The following SGCZ variants were observed in gnomAD, a reference collection of about 807,000 sequenced individuals.
SGCZ encodes zeta-sarcoglycan.
SGCZ carries 40 observed loss-of-function variants against 41.3 expected under a neutral mutation model. The observed-to-expected ratio is 0.97, with a 90% CI of 0.75 to 1.26. SGCZ has a LOEUF of 1.26. Ranked by LOEUF, SGCZ falls within the 50% of genes most tolerant of loss-of-function variation. SGCZ has a pLI of 0.00. For synonymous variants in SGCZ, 206 were observed against 137.5 expected (o/e 1.50, Z -3.49); for missense variants, 552 against 369.8 (o/e 1.49, Z -4.04).
rs1413540606 is a variant in SGCZ, at chr8:14,125,516, AAG to A, written c.548-17283_548-17282del. 1.1e-3 allele frequency among the ~76,000 whole-genome samples: 113 copies of A among 101,718 alleles called. No homozygotes were observed. The East Asian group carries it at 0.051, about 46-fold the overall frequency. 66.7% of individuals were successfully genotyped at this position (101,718 alleles called of 152,430 possible). A position where few individuals can be genotyped will look rare whatever the true frequency, so the allele number is the denominator to read the frequency against. ...AAGATTCCGTCTCAAAAAAAAAAAA[AAG>A]AAGAAGAATCACTATTGTGAAAATG... On this transcript the variant is annotated intron_variant, in intron 5 of 7. Coordinates refer to ENST00000382080, the MANE Select transcript of SGCZ (RefSeq NM_139167.4).
Position 14,861,058 on chromosome 8 carries a change from C to T in SGCZ, c.40-306132G>A, listed in dbSNP as rs886856974. 4.6e-5 allele frequency among the ~76,000 whole-genome samples: 7 copies of T among 152,084 alleles called. No homozygotes were observed. The South Asian group carries it at 6.2e-4, about 13-fold the overall frequency. On this transcript the variant is annotated intron_variant, in intron 1 of 7. Transcript: ENST00000382080. ...GCAGCACAGAATTGCAGTGAGCTCA[C>T]GATGCTTGAGAGTTGAGAAACACTT... is the stretch of plus-strand genomic sequence containing the variant.
At chr8:14,452,906 C>A (rs1027845949) in intron 2 of SGCZ, among the ~76,000 whole-genome samples, 1 of 151,966 alleles carries the variant, frequency 6.6e-6, no homozygotes, top group Non-Finnish European at 1.5e-5. Flanking sequence ...AGTTTGAGAC[C>A]AGCTTCGTCA....
chr8:14,283,672 G>C (rs1281706371), intron 3 of SGCZ, among the ~76,000 whole-genome samples: 1 of 152,132 alleles, frequency 6.6e-6, no homozygotes, highest in Non-Finnish European at 1.5e-5. Context: ...ACATTGCAGA[G>C]ATACAGTGAT....
chr8:14,243,460 T>C (rs1181338486), intron 3 of SGCZ, among the ~76,000 whole-genome samples: 1 of 152,340 alleles, frequency 6.6e-6, no homozygotes. Flanking sequence ...TTAAAAATAC[T>C]TTTAAAACAT....
intron 3 of SGCZ, among the ~76,000 whole-genome samples, chr8:14,288,908 G>A (rs1800743314): frequency 6.6e-6 from 1 of 152,098 alleles, no homozygotes; most frequent in Admixed American, 6.6e-5. Flanking sequence ...ATGTGTGAGT[G>A]TTCCAATTAC....
At chr8:14,861,394 G>A (rs1199843204) in intron 1 of SGCZ, among the ~76,000 whole-genome samples, 8 of 152,062 alleles carry the variant, frequency 5.3e-5, no homozygotes, top group Admixed American at 5.2e-4. Flanking sequence ...AGATAACTTT[G>A]CACAGCGGTA....
chr8:15,048,368 G>C (rs1804389356), intron 1 of SGCZ, among the ~76,000 whole-genome samples: 1 of 151,908 alleles, frequency 6.6e-6, no homozygotes, highest in African/African-American at 2.4e-5. Context: ...TGGTTAATGG[G>C]CACAAAAATA....
intron 1 of SGCZ, among the ~76,000 whole-genome samples, chr8:14,908,795 T>TA (rs982331280): frequency 2.0e-5 from 3 of 148,384 alleles, no homozygotes; most frequent in South Asian, 2.2e-4. Flanking sequence ...TAATTCACTA[T>TA]AAAAAATATT....
intron 1 of SGCZ, among the ~76,000 whole-genome samples, chr8:15,173,163 G>C (rs1398407472): frequency 6.6e-6 from 1 of 152,166 alleles, no homozygotes; most frequent in Non-Finnish European, 1.5e-5. Context: ...CTTACTATTT[G>C]TGTGACCTTT....
At chr8:15,052,056 C>A (rs1169427076) in intron 1 of SGCZ, among the ~76,000 whole-genome samples, 1 of 152,036 alleles carries the variant, frequency 6.6e-6, no homozygotes, top group Non-Finnish European at 1.5e-5. Flanking sequence ...CAATCTGAGC[C>A]GTAATTTAGA....
chr8:14,180,540 C>A (rs1020203102), intron 4 of SGCZ, among the ~76,000 whole-genome samples: 1 of 151,696 alleles, frequency 6.6e-6, no homozygotes, highest in Admixed American at 6.6e-5. Flanking sequence ...ACCCAACATG[C>A]GCAGTCTCAT....
chr8:15,227,067 G>A (rs1801799178), intron 1 of SGCZ, among the ~76,000 whole-genome samples: 1 of 152,178 alleles, frequency 6.6e-6, no homozygotes, highest in Non-Finnish European at 1.5e-5. Flanking sequence ...AAGATTTCTA[G>A]CAGATTGCTG....
Position 15,008,971 on chromosome 8 carries a change from A to C in SGCZ, c.39+228614T>G, listed in dbSNP as rs958321946. 3.3e-5 allele frequency among the ~76,000 whole-genome samples: 5 copies of C among 152,170 alleles called. No individual in the cohort carries two copies. The East Asian group carries it at 9.6e-4, about 29-fold the overall frequency. On this transcript the variant is annotated intron_variant, in intron 1 of 7. Transcript: ENST00000382080. ...CACACATGCACACACAAGTGCACAC[A>C]ATACTAGGTTATAAAACATTATCTC...
intron 1 of SGCZ, among the ~76,000 whole-genome samples, chr8:15,123,175 A>G (rs899274988): frequency 2.2e-4 from 34 of 152,114 alleles, no homozygotes; most frequent in African/African-American, 6.0e-4. Flanking sequence ...TCATTTTAAG[A>G]TATTTTCTAG....
chr8:15,098,968 G>C (rs937833928), intron 1 of SGCZ, among the ~76,000 whole-genome samples: 4 of 152,186 alleles, frequency 2.6e-5, no homozygotes, highest in African/African-American at 7.2e-5. Flanking sequence ...TAAGGCAGGA[G>C]AATCACTTGA....
chr8:14,480,595 T>C (rs938792076), intron 2 of SGCZ, among the ~76,000 whole-genome samples: 25 of 148,566 alleles, frequency 1.7e-4, no homozygotes, highest in Non-Finnish European at 2.4e-4. Context: ...ATCATTCTCA[T>C]CATGCTGACT....
chr8:14,323,096 T>C (rs1801983444), intron 3 of SGCZ, among the ~76,000 whole-genome samples: 1 of 152,072 alleles, frequency 6.6e-6, no homozygotes, highest in African/African-American at 2.4e-5. Context: ...ATACAGTATA[T>C]TAGAAGCTGT....
At chr8:14,463,662 C>A (rs973922299) in intron 2 of SGCZ, among the ~76,000 whole-genome samples, 4 of 151,514 alleles carry the variant, frequency 2.6e-5, no homozygotes, top group Admixed American at 6.6e-5. Flanking sequence ...AAAATATTTT[C>A]AAAAATGTGT....
At chr8:14,334,352 C>T (rs1802435882) in intron 2 of SGCZ, among the ~76,000 whole-genome samples, 1 of 152,008 alleles carries the variant, frequency 6.6e-6, no homozygotes, top group Admixed American at 6.5e-5. Context: ...TCCTGTAAAA[C>T]TGACATATTT....
Sources: allele counts gnomAD v4.1 joint callset (sites outside exome capture counted in the v4.1 genomes callset), GRCh38; gene constraint gnomAD v4.1.1; transcripts MANE v1.5; gene names NCBI Gene and HGNC (gene_info 2026-07-23, HGNC 2026-07-21).